The following DRC9 variants were observed in gnomAD, a reference collection of about 807,000 sequenced individuals.
DRC9 encodes dynein regulatory complex subunit 9, also known as dynein regulatory complex protein 9.
chr3:197,951,555 G>GT, the DRC9 span: 1 of 476,570 alleles, frequency 2.1e-6, no homozygotes, highest in Non-Finnish European at 3.8e-6. Flanking sequence ...GTATTGCCAT[G>GT]TTGGCCAGGC....
the DRC9 span, among the ~76,000 whole-genome samples, chr3:197,938,037 C>T: frequency 7.9e-5 from 12 of 151,970 alleles, no homozygotes; most frequent in African/African-American, 2.4e-4. Context: ...GACAAAGGGC[C>T]GGGCGCGGTG....
chr3:197,951,992 T>A, the DRC9 span, among the ~76,000 whole-genome samples: 1 of 152,028 alleles, frequency 6.6e-6, no homozygotes, highest in Non-Finnish European at 1.5e-5. Context: ...CTTCTGAGGG[T>A]GGTGTTGGAT....
At chr3:197,902,582 A>C in the DRC9 span, among the ~76,000 whole-genome samples, 46 of 152,040 alleles carry the variant, frequency 3.0e-4, no homozygotes, top group Non-Finnish European at 1.5e-4. Flanking sequence ...ATATTGAAGA[A>C]GGCATCAGAG....
the DRC9 span, among the ~76,000 whole-genome samples, chr3:197,927,778 T>TA: frequency 2.0e-5 from 3 of 152,204 alleles, no homozygotes; most frequent in Admixed American, 2.0e-4. Flanking sequence ...TATGCAGCCA[T>TA]AAAAAAGGAT....
At chr3:197,903,504 T>G in the DRC9 span, among the ~76,000 whole-genome samples, 1 of 152,004 alleles carries the variant, frequency 6.6e-6, no homozygotes, top group South Asian at 2.1e-4. Context: ...GGCATGGCAG[T>G]GCACTCCTGT....
the DRC9 span, among the ~76,000 whole-genome samples, chr3:197,943,606 T>C: frequency 6.9e-6 from 1 of 145,956 alleles, no homozygotes; most frequent in South Asian, 2.1e-4. Flanking sequence ...ACCACTACAC[T>C]CCAGCTTAGG....
the DRC9 span, among the ~76,000 whole-genome samples, chr3:197,912,040 T>G: frequency 6.6e-6 from 1 of 152,018 alleles, no homozygotes; most frequent in Non-Finnish European, 1.5e-5. Context: ...AATTATGTCT[T>G]TTTTTGGTTT....
chr3:197,925,099 GA>G, the DRC9 span, among the ~76,000 whole-genome samples: 1 of 151,946 alleles, frequency 6.6e-6, no homozygotes, highest in African/African-American at 2.4e-5. Context: ...TCTTCTTTAG[GA>G]ATATACTTTT....
chr3:197,892,843 G>C, the DRC9 span: 1 of 1,527,968 alleles, frequency 6.5e-7, no homozygotes, highest in Middle Eastern at 1.8e-4. Flanking sequence ...CGAGTTTCAA[G>C]ATTAAGCAGA....
the DRC9 span, chr3:197,938,587 ATGGTCTGCCTTGT>A: frequency 2.5e-6 from 4 of 1,613,980 alleles, no homozygotes; most frequent in Admixed American, 6.7e-5. Flanking sequence ...CGTAGTCATG[ATGGTCTGCCTTGT>A]AGGTTTTTTG....
the DRC9 span, among the ~76,000 whole-genome samples, chr3:197,910,371 CTG>C: frequency 6.6e-6 from 1 of 152,178 alleles, no homozygotes; most frequent in South Asian, 2.1e-4. Flanking sequence ...CTGGGAAACT[CTG>C]GCGTCATCCC....
At chr3:197,941,078 C>T in the DRC9 span, among the ~76,000 whole-genome samples, 1 of 152,122 alleles carries the variant, frequency 6.6e-6, no homozygotes, top group Non-Finnish European at 1.5e-5. Context: ...CAGCAGGTAG[C>T]ATTGAAAAGA....
the DRC9 span, among the ~76,000 whole-genome samples, chr3:197,901,190 G>C: frequency 0.036 from 5,527 of 152,196 alleles, 127 homozygotes; most frequent in South Asian, 0.074. This position sits in a 1 kb window ranked among gnomAD's most constrained non-coding sequence, Gnocchi z 4.4. Flanking sequence ...CCAGGCTGGA[G>C]TGCAGTGGCA....
chr3:197,931,895 G>T, the DRC9 span, among the ~76,000 whole-genome samples: 1 of 152,140 alleles, frequency 6.6e-6, no homozygotes, highest in Non-Finnish European at 1.5e-5. Flanking sequence ...AAAGTGCTGG[G>T]ATTACAAGCG....
chr3:197,949,744 T>C, the DRC9 span: 3 of 283,972 alleles, frequency 1.1e-5, no homozygotes, highest in East Asian at 1.8e-4. Flanking sequence ...CCGGCCTTTC[T>C]CTTCCATGCT....
chr3:197,942,385 CAAAAAAAAAAAAAAAAAAA>C, the DRC9 span, among the ~76,000 whole-genome samples: 2 of 17,050 alleles, frequency 1.2e-4, no homozygotes, highest in Admixed American at 1.2e-3. Context: ...CTCCGTCTCA[CAAAAAAAAAAAAAAAAAAA>C]AAAAAAAAAA....
the DRC9 span, chr3:197,938,621 C>T: frequency 1.2e-6 from 2 of 1,614,096 alleles, no homozygotes; most frequent in Non-Finnish European, 1.7e-6. Context: ...AAGACAAGAT[C>T]CTGCATTTTG....
chr3:197,900,764 T>C, the DRC9 span, among the ~76,000 whole-genome samples: 5 of 151,656 alleles, frequency 3.3e-5, no homozygotes, highest in Non-Finnish European at 5.9e-5. This position sits in a 1 kb window ranked among gnomAD's most constrained non-coding sequence, Gnocchi z 4.7. Flanking sequence ...CACAGCAGAA[T>C]AGGGCTCTGG....
chr3:197,957,612 T>C, the DRC9 span: 1 of 152,098 alleles, frequency 6.6e-6, no homozygotes, highest in Non-Finnish European at 1.5e-5. Context: ...CAAAGTGCAC[T>C]GATGCTGTAT....
Sources: allele counts gnomAD v4.1 joint callset (sites outside exome capture counted in the v4.1 genomes callset), GRCh38; gene constraint gnomAD v4.1.1; non-coding constraint Gnocchi (gnomAD v3.1); transcripts MANE v1.5; gene names NCBI Gene and HGNC (gene_info 2026-07-23, HGNC 2026-07-21).